Variants in NEMP2 observed in about 807,000 individuals in gnomAD.
NEMP2 encodes nuclear envelope integral membrane protein 2, also known as UPF0571 transmembrane protein.
Under a neutral mutation model 54.2 loss-of-function variants are expected in NEMP2, and 53 were observed. That is an observed-to-expected ratio of 0.98 (90% CI 0.78 to 1.23). The LOEUF is 1.23. Among genes scored for constraint, NEMP2 ranks in the 50% most tolerant of loss-of-function variants. NEMP2 has a pLI of 0.00. For missense variants in NEMP2, 455 were observed against 511.3 expected, an observed-to-expected ratio of 0.89 and a Z score of 1.06; for synonymous variants, 197 against 190.3, an observed-to-expected ratio of 1.04 and a Z score of -0.29.
Position 190,525,406 on chromosome 2 carries a change from TCTAA to T in NEMP2, c.98-32_98-29del. The T allele has an allele frequency of 1.5e-6, 2 of 1,302,394 alleles. No homozygotes were observed. The highest frequency in any genetic ancestry group is 1.3e-5 in the South Asian group (1 of 74,170). The allele number at this position is 1,302,394 out of a possible 1,614,324, so 80.7% of individuals were successfully genotyped here. ...GAGAGATGGAAAAGGGAATGCATTT[TCTAA>T]CTGTTTAATTGCCCAGAATCTTTTT... On this transcript the variant is annotated intron_variant, in intron 1 of 8. Coordinates refer to ENST00000409150, the MANE Select transcript of NEMP2 (RefSeq NM_001142645.2). This position sits in a 1 kb window ranked among gnomAD's most constrained non-coding sequence, Gnocchi z 5.0.
the NEMP2 span, among the ~76,000 whole-genome samples, chr2:190,573,811 G>A: frequency 1.3e-5 from 2 of 152,270 alleles, no homozygotes; most frequent in African/African-American, 2.4e-5. Context: ...TTAGGTTGGT[G>A]CAAAAGTAAT....
At chr2:190,574,428 G>A in the NEMP2 span, among the ~76,000 whole-genome samples, 1 of 151,982 alleles carries the variant, frequency 6.6e-6, no homozygotes, top group Non-Finnish European at 1.5e-5. Context: ...AAATTCTCAA[G>A]CCCTAATATT....
At chr2:190,478,544 TG>T in the NEMP2 span, among the ~76,000 whole-genome samples, 1 of 152,218 alleles carries the variant, frequency 6.6e-6, no homozygotes, top group African/African-American at 2.4e-5. Flanking sequence ...CTCGTCCAAA[TG>T]GCTTTAAAGT....
the NEMP2 span, among the ~76,000 whole-genome samples, chr2:190,628,962 G>A: frequency 2.6e-5 from 4 of 152,246 alleles, no homozygotes; most frequent in East Asian, 7.7e-4. The surrounding 1 kb of genome is among the most constrained non-coding windows in gnomAD (Gnocchi z 4.1). Context: ...CTTTCATTGA[G>A]TTTAACTATC....
Position 190,520,720 on chromosome 2 carries a change from T to C in NEMP2, c.214-1537A>G, listed in dbSNP as rs566691113. On this transcript the variant is annotated intron_variant, in intron 2 of 8. Coordinates refer to ENST00000409150, the MANE Select transcript of NEMP2 (RefSeq NM_001142645.2). The surrounding 1 kb of genome is among the most constrained non-coding windows in gnomAD (Gnocchi z 5.4). The stretch of plus-strand genomic sequence containing the variant: ...TGTCCTCCCTACCTCAGCTCATCAC[T>C]CCATGGCCATATCCTGGACCTTGTC... 2.3e-4 allele frequency among the ~76,000 whole-genome samples: 35 copies of C among 152,166 alleles called. No individual in the cohort carries two copies. Among genetic ancestry groups the C allele is most frequent in the African/African-American group, 8.4e-4 (35 of 41,488 alleles).
At chr2:190,638,696 G>A in the NEMP2 span, among the ~76,000 whole-genome samples, 1 of 152,192 alleles carries the variant, frequency 6.6e-6, no homozygotes, top group Non-Finnish European at 1.5e-5. The surrounding 1 kb of genome is among the most constrained non-coding windows in gnomAD (Gnocchi z 5.7). Context: ...TGATACCTGG[G>A]GAAGGGGTGA....
At chr2:190,535,496 C>G (rs1691345606), upstream of NEMP2, among the ~76,000 whole-genome samples, 1 of 152,194 alleles carries the variant, frequency 6.6e-6, no homozygotes, top group African/African-American at 2.4e-5. Flanking sequence ...AACATTCCCT[C>G]CACAGGACCT....
chr2:190,501,066 A>G (rs1559149183), downstream of NEMP2: 1 of 152,236 alleles, frequency 6.6e-6, no homozygotes. Context: ...TTACTATCTT[A>G]TAGTAATTCA....
chr2:190,629,329 T>C, the NEMP2 span, among the ~76,000 whole-genome samples: 1 of 152,154 alleles, frequency 6.6e-6, no homozygotes, highest in Non-Finnish European at 1.5e-5. Context: ...TGTCAAAAAT[T>C]TTTTGCACCA....
At chr2:190,630,786 C>A in the NEMP2 span, among the ~76,000 whole-genome samples, 55 of 151,924 alleles carry the variant, frequency 3.6e-4, no homozygotes, top group Middle Eastern at 3.4e-3. The surrounding 1 kb of genome is among the most constrained non-coding windows in gnomAD (Gnocchi z 5.5). Flanking sequence ...TCTTTTAATT[C>A]CGTTTTTTCA....
At chr2:190,595,776 T>C in the NEMP2 span, among the ~76,000 whole-genome samples, 1 of 152,122 alleles carries the variant, frequency 6.6e-6, no homozygotes, top group African/African-American at 2.4e-5. The surrounding 1 kb of genome is among the most constrained non-coding windows in gnomAD (Gnocchi z 4.0). Flanking sequence ...TGTGGAGAAA[T>C]AGGAACGCTT....
At chr2:190,494,770 G>A in the NEMP2 span, among the ~76,000 whole-genome samples, 6 of 152,194 alleles carry the variant, frequency 3.9e-5, no homozygotes, top group African/African-American at 9.6e-5. This position sits in a 1 kb window ranked among gnomAD's most constrained non-coding sequence, Gnocchi z 5.7. Context: ...CTCAGTAGAC[G>A]CAGAAAAAGC....
At chr2:190,534,481 A>T in intron 1 of NEMP2, 78 bp downstream of exon 1, 2 of 1,290,604 alleles carry the variant, frequency 1.5e-6, no homozygotes, top group Non-Finnish European at 2.0e-6. Flanking sequence ...CCCGGGCCAA[A>T]GAGCGCGCCC....
chr2:190,599,319 A>C, the NEMP2 span, among the ~76,000 whole-genome samples: 4 of 152,316 alleles, frequency 2.6e-5, no homozygotes, highest in East Asian at 7.7e-4. Flanking sequence ...ACTACTTGGC[A>C]TCAAGTAGAT....
chr2:190,487,993 C>T, the NEMP2 span, among the ~76,000 whole-genome samples: 8 of 152,108 alleles, frequency 5.3e-5, no homozygotes, highest in South Asian at 1.2e-3. This position sits in a 1 kb window ranked among gnomAD's most constrained non-coding sequence, Gnocchi z 5.5. Flanking sequence ...ACCTCTGCCT[C>T]CTGGGTTCAA....
the NEMP2 span, among the ~76,000 whole-genome samples, chr2:190,463,493 T>A: frequency 0.88 from 133,304 of 151,464 alleles, 59,462 homozygotes; most frequent in East Asian, 1. This position sits in a 1 kb window ranked among gnomAD's most constrained non-coding sequence, Gnocchi z 4.4. Flanking sequence ...GAAAAAAAAA[T>A]TTTTTTTAGG....
chr2:190,565,662 C>A, the NEMP2 span, among the ~76,000 whole-genome samples: 1 of 152,162 alleles, frequency 6.6e-6, no homozygotes, highest in Non-Finnish European at 1.5e-5. Flanking sequence ...GCCAAGATGT[C>A]CAGGACTTTA....
chr2:190,469,912 A>G, the NEMP2 span: 2 of 1,268,666 alleles, frequency 1.6e-6, no homozygotes, highest in African/African-American at 1.5e-5. This position sits in a 1 kb window ranked among gnomAD's most constrained non-coding sequence, Gnocchi z 5.3. Flanking sequence ...CTGTGGCTAA[A>G]AGCCCAGTGG....
the NEMP2 span, among the ~76,000 whole-genome samples, chr2:190,635,937 G>A: frequency 6.6e-6 from 1 of 152,190 alleles, no homozygotes; most frequent in Non-Finnish European, 1.5e-5. This position sits in a 1 kb window ranked among gnomAD's most constrained non-coding sequence, Gnocchi z 4.1. Flanking sequence ...CATGATTATA[G>A]CTCACGGCAG....
Sources: allele counts gnomAD v4.1 joint callset (sites outside exome capture counted in the v4.1 genomes callset), GRCh38; gene constraint gnomAD v4.1.1; non-coding constraint Gnocchi (gnomAD v3.1); transcripts MANE v1.5; gene names NCBI Gene and HGNC (gene_info 2026-07-23, HGNC 2026-07-21).